The following ACTR3C variants were observed in gnomAD, a reference collection of about 807,000 sequenced individuals.
The protein encoded by ACTR3C is actin-related protein 3C.
Under a neutral mutation model 26.3 loss-of-function variants are expected in ACTR3C, and 18 were observed. The observed-to-expected ratio is 0.68, with a 90% CI of 0.47 to 1.01. The LOEUF is 1.01. Ranked by LOEUF, ACTR3C falls within the 50% of genes least tolerant of loss-of-function variation. ACTR3C has a pLI of 0.00. For synonymous variants in ACTR3C, 55 were observed against 94.5 expected (o/e 0.58, Z 2.42); for missense variants, 184 against 250.7 (o/e 0.73, Z 1.80).
chr7:150,266,480 G>T (rs149024517), intron 6 of ACTR3C, among the ~76,000 whole-genome samples: 17,198 of 151,084 alleles, frequency 0.11, 1,620 homozygotes, highest in South Asian at 0.24. Context: ...AAATTTCTTT[G>T]AAAAACCATT....
chr7:150,082,755 T>C, the ACTR3C span, among the ~76,000 whole-genome samples: 1 of 150,926 alleles, frequency 6.6e-6, no homozygotes, highest in Non-Finnish European at 1.5e-5. Flanking sequence ...TATGTGATGC[T>C]TTATGACTCT....
chr7:150,101,551 G>A, the ACTR3C span, among the ~76,000 whole-genome samples: 2 of 151,672 alleles, frequency 1.3e-5, no homozygotes, highest in Non-Finnish European at 2.9e-5. Flanking sequence ...CTCAACTCAC[G>A]TGGTGCCCAA....
At chr7:150,120,152 C>A in the ACTR3C span, among the ~76,000 whole-genome samples, 13 of 152,194 alleles carry the variant, frequency 8.5e-5, no homozygotes, top group East Asian at 2.5e-3. Flanking sequence ...AAGGTTGACA[C>A]CCTAACTCCA....
At chr7:150,038,116 CA>C in the ACTR3C span, among the ~76,000 whole-genome samples, 7 of 141,526 alleles carry the variant, frequency 4.9e-5, no homozygotes, top group African/African-American at 1.9e-4. Flanking sequence ...TCCCAAGAGC[CA>C]GGGGGGAAGA....
At chr7:150,177,062 C>A in the ACTR3C span, among the ~76,000 whole-genome samples, 1 of 150,332 alleles carries the variant, frequency 6.7e-6, no homozygotes. Flanking sequence ...TCTCTAAGAT[C>A]TTTTTAAGTT....
chr7:150,311,437 A>T (rs1219506458), intron 1 of ACTR3C, among the ~76,000 whole-genome samples: 2 of 152,178 alleles, frequency 1.3e-5, no homozygotes, highest in Non-Finnish European at 2.9e-5. Flanking sequence ...CTTACCCTCT[A>T]CAGTTCTCAC....
At chr7:150,224,881 T>A in the ACTR3C span, among the ~76,000 whole-genome samples, 8 of 152,292 alleles carry the variant, frequency 5.3e-5, no homozygotes, top group East Asian at 1.5e-3. Flanking sequence ...GGTTTATGAA[T>A]ATTTGTATGA....
the ACTR3C span, among the ~76,000 whole-genome samples, chr7:149,994,252 T>C: frequency 0.11 from 16,246 of 152,128 alleles, 1,435 homozygotes; most frequent in East Asian, 0.25. Flanking sequence ...AAGAATGAAG[T>C]GGCCATCGAA....
At chr7:150,312,666 T>G (rs1487190012) in intron 1 of ACTR3C, among the ~76,000 whole-genome samples, 3 of 152,234 alleles carry the variant, frequency 2.0e-5, no homozygotes, top group East Asian at 3.8e-4. Flanking sequence ...TAACTCATTA[T>G]AAAATTTTCT....
At chr7:150,186,586 G>A in the ACTR3C span, among the ~76,000 whole-genome samples, 1 of 152,068 alleles carries the variant, frequency 6.6e-6, no homozygotes, top group Admixed American at 6.6e-5. Context: ...CTTCTTACCA[G>A]CAGCCCACAG....
At chr7:150,285,486 G>A (rs1378457339) in intron 5 of ACTR3C, among the ~76,000 whole-genome samples, 1 of 152,190 alleles carries the variant, frequency 6.6e-6, no homozygotes, top group Non-Finnish European at 1.5e-5. Context: ...CACTCTCAGA[G>A]GAAGGAGGAG....
At chr7:150,314,463 G>A (rs956346186) in intron 1 of ACTR3C, among the ~76,000 whole-genome samples, 1 of 152,090 alleles carries the variant, frequency 6.6e-6, no homozygotes, top group Admixed American at 6.6e-5. Flanking sequence ...GAAGGAAATA[G>A]GGAAAGAAAA....
the ACTR3C span, among the ~76,000 whole-genome samples, chr7:150,117,034 G>C: frequency 6.6e-6 from 1 of 152,286 alleles, no homozygotes; most frequent in South Asian, 2.1e-4. Context: ...GTGCCATGAG[G>C]GACAATGCTA....
At chr7:149,882,907 T>C in the ACTR3C span, among the ~76,000 whole-genome samples, 10 of 152,096 alleles carry the variant, frequency 6.6e-5, no homozygotes, top group South Asian at 2.1e-3. Context: ...CTGGCAGTGA[T>C]GGAAGTTAGG....
chr7:149,941,852 C>A, the ACTR3C span, among the ~76,000 whole-genome samples: 35,530 of 151,746 alleles, frequency 0.23, 6,464 homozygotes, highest in African/African-American at 0.52. Flanking sequence ...CGAAGCCCTG[C>A]CTATGGAAAA....
At chr7:149,972,696 C>T in the ACTR3C span, among the ~76,000 whole-genome samples, 2 of 152,250 alleles carry the variant, frequency 1.3e-5, no homozygotes, top group Non-Finnish European at 2.9e-5. Flanking sequence ...CATCACTGCA[C>T]AGCCAGCACC....
the ACTR3C span, among the ~76,000 whole-genome samples, chr7:150,158,432 A>T: frequency 2.0e-5 from 3 of 152,220 alleles, no homozygotes; most frequent in Non-Finnish European, 4.4e-5. Context: ...ACAATAATCA[A>T]GATACAGATG....
intron 6 of ACTR3C, among the ~76,000 whole-genome samples, chr7:150,255,879 G>T (rs916699045): frequency 6.6e-6 from 1 of 152,130 alleles, no homozygotes; most frequent in Non-Finnish European, 1.5e-5. Flanking sequence ...CTATTTGACT[G>T]GGAAAATAAT....
chr7:150,162,251 G>C, the ACTR3C span, among the ~76,000 whole-genome samples: 4 of 152,124 alleles, frequency 2.6e-5, no homozygotes, highest in Non-Finnish European at 5.9e-5. Context: ...AACACCAATA[G>C]AGTCAAGATC....
Sources: gnomAD v4.1 joint callset for allele counts (sites outside exome capture counted in the v4.1 genomes callset) on GRCh38, gnomAD v4.1.1 for gene constraint, MANE v1.5 for transcripts, NCBI Gene and HGNC (gene_info 2026-07-23, HGNC 2026-07-21) for gene names.